The following POF1B variants were observed in gnomAD, a reference collection of about 807,000 sequenced individuals.
The protein encoded by POF1B is protein POF1B.
Under a neutral mutation model 55.3 loss-of-function variants are expected in POF1B, and 53 were observed. That is an observed-to-expected ratio of 0.96 (90% CI 0.77 to 1.20). The LOEUF is 1.20. Among genes scored for constraint, POF1B ranks in the 50% most tolerant of loss-of-function variants. The probability of loss-of-function intolerance (pLI) is 0.00; values close to 1 mark genes in which losing one functional copy is unlikely to be tolerated. For synonymous variants in POF1B, 188 were observed against 148.3 expected, an observed-to-expected ratio of 1.27 and a Z score of -1.95; for missense variants, 478 against 420.5, an observed-to-expected ratio of 1.14 and a Z score of -1.20.
At chrX:85,320,469 A>G (rs1932826013) in intron 7 of POF1B, among the ~76,000 whole-genome samples, 1 of 111,157 alleles carries the variant, frequency 9.0e-6, no homozygotes. Flanking sequence ...TATAGCACTA[A>G]ATGCCCACAA....
intron 3 of POF1B, among the ~76,000 whole-genome samples, chrX:85,360,550 T>C (rs914111722): frequency 7.0e-5 from 6 of 85,963 alleles, no homozygotes; most frequent in African/African-American, 3.9e-4. Flanking sequence ...TATATATATA[T>C]ATATATATAC....
chrX:85,279,453 T>TA, intron 16 of POF1B, 27 bp from the exon 17 acceptor site: 4 of 1,159,128 alleles, frequency 3.5e-6, no homozygotes, highest in Non-Finnish European at 4.7e-6. Context: ...AAGGTTATCT[T>TA]ACAACTGGTT....
At chrX:85,341,092 G>T (rs7052271) in intron 6 of POF1B, among the ~76,000 whole-genome samples, 5,120 of 110,604 alleles carry the variant, frequency 0.046, 267 homozygotes, top group African/African-American at 0.14. Flanking sequence ...GATGAGAGAT[G>T]AATAGAATTA....
Position 85,278,562 on chromosome X carries a change from G to T in POF1B, c.*859C>A, listed in dbSNP as rs899545941. The stretch of plus-strand genomic sequence containing the variant: ...AGTAGGATAAATCTATCAAGTATTT[G>T]TTGCTGCTATTTTTATTCCCTAAGT... On this transcript the variant is annotated 3_prime_UTR_variant, in exon 17 of 17. Transcript: ENST00000262753. 8.1e-5 allele frequency: 9 copies of T among 111,297 alleles called. No individual in the cohort carries two copies. The Admixed American group carries it at 8.6e-4, about 11-fold the overall frequency. 9.2% of individuals were successfully genotyped at this position (111,297 alleles called of 1,213,427 possible). A position where few individuals can be genotyped will look rare whatever the true frequency, so the allele number is the denominator to read the frequency against.
intron 5 of POF1B, among the ~76,000 whole-genome samples, chrX:85,348,664 G>A (rs772499217): frequency 1.2e-4 from 13 of 111,280 alleles, no homozygotes; most frequent in East Asian, 2.8e-4. Flanking sequence ...GGCAGCTTTC[G>A]TGGTGGTTCC....
At chrX:85,363,022 G>C (rs1226718875) in intron 3 of POF1B, among the ~76,000 whole-genome samples, 1 of 111,150 alleles carries the variant, frequency 9.0e-6, no homozygotes, top group Non-Finnish European at 1.9e-5. Flanking sequence ...AGGTTTTTCA[G>C]TTTGTATGCA....
At chrX:85,335,264 A>T (rs1933049067) in intron 6 of POF1B, among the ~76,000 whole-genome samples, 1 of 111,829 alleles carries the variant, frequency 8.9e-6, no homozygotes, top group Non-Finnish European at 1.9e-5. Context: ...ACTGGGTAGT[A>T]AGTTTTGAAC....
chrX:85,302,405 C>T (rs1356667477), intron 15 of POF1B, among the ~76,000 whole-genome samples: 3 of 111,359 alleles, frequency 2.7e-5, no homozygotes, highest in African/African-American at 9.8e-5. Context: ...TTTCCACCAC[C>T]TAGGATGGCC....
chrX:85,350,989 T>C (rs1933374070), intron 5 of POF1B, among the ~76,000 whole-genome samples: 1 of 111,803 alleles, frequency 8.9e-6, no homozygotes, highest in African/African-American at 3.2e-5. Context: ...CGTTCTATAT[T>C]AAAAGAATTA....
At position 85,345,060 on chromosome X, in the gene POF1B, T is replaced by C. The variant is rs977295613; in HGVS notation, c.723+800A>G. ...TTAATATAAAATAATCAAATTCTTATGTGGGCTGGCTCCTTCTTTATTTTT... is the reference window on the plus strand; with the variant it reads ...TTAATATAAAATAATCAAATTCTTACGTGGGCTGGCTCCTTCTTTATTTTT... On this transcript the variant is annotated intron_variant, in intron 6 of 16. Coordinates refer to ENST00000262753, the MANE Select transcript of POF1B (RefSeq NM_024921.4). Among the ~76,000 whole-genome samples, 4 of 111,826 alleles carry C rather than the reference T, an allele frequency of 3.6e-5. No individual in the cohort carries two copies. The Admixed American group carries it at 3.8e-4, about 11-fold the overall frequency.
chrX:85,355,138 C>T (rs772406038), intron 4 of POF1B, among the ~76,000 whole-genome samples: 1 of 111,247 alleles, frequency 9.0e-6, no homozygotes, highest in African/African-American at 3.3e-5. Context: ...GAACAGAGCC[C>T]TCAGAAATAA....
chrX:85,323,766 T>G (rs1932867081), intron 7 of POF1B, among the ~76,000 whole-genome samples: 1 of 110,866 alleles, frequency 9.0e-6, no homozygotes, highest in South Asian at 3.8e-4. Context: ...TCTGTGGGGT[T>G]AGTTTTCTCT....
At chrX:85,365,519 GT>G (rs1208414784) in intron 3 of POF1B, among the ~76,000 whole-genome samples, 2 of 111,955 alleles carry the variant, frequency 1.8e-5, no homozygotes, top group African/African-American at 6.5e-5. Context: ...GGCTATGTTA[GT>G]GAGGTATTGT....
intron 9 of POF1B, among the ~76,000 whole-genome samples, chrX:85,311,033 G>A (rs1234568812): frequency 9.0e-6 from 1 of 110,929 alleles, no homozygotes; most frequent in Non-Finnish European, 1.9e-5. Flanking sequence ...TTCAGATGAG[G>A]GAAAATGAAA....
Position 85,366,139 on chromosome X carries a change from A to G in POF1B, c.357+1553T>C, listed in dbSNP as rs1933718301. 2.7e-5 allele frequency among the ~76,000 whole-genome samples: 3 copies of G among 112,177 alleles called. No homozygotes were observed. The South Asian group carries it at 1.1e-3, about 41-fold the overall frequency. On this transcript the variant is annotated intron_variant, in intron 3 of 16. Coordinates refer to ENST00000262753, the MANE Select transcript of POF1B (RefSeq NM_024921.4). ...ACTAGGAATCAAACATAGCAGAAGA[A>G]TGCCATATTTTTACTGGAAAATTTG...
chrX:85,367,836 T>G (rs940849720), intron 2 of POF1B, 70 bp from the exon 3 acceptor site: 390 of 676,951 alleles, frequency 5.8e-4, no homozygotes, highest in Middle Eastern at 8.0e-4. Context: ...ATTTTTTCTT[T>G]ATTTTTATAA....
intron 6 of POF1B, among the ~76,000 whole-genome samples, chrX:85,338,565 T>A (rs1478777830): frequency 8.9e-6 from 1 of 111,947 alleles, no homozygotes; most frequent in Non-Finnish European, 1.9e-5. Context: ...AAATGTATGA[T>A]CTTTTCTTGT....
At chrX:85,364,485 C>G (rs1367673322) in intron 3 of POF1B, among the ~76,000 whole-genome samples, 2 of 111,633 alleles carry the variant, frequency 1.8e-5, no homozygotes, top group Non-Finnish European at 3.8e-5. Context: ...TGAAAATAAT[C>G]TTATTTCTCC....
At chrX:85,316,896 C>G (rs182757179) in intron 7 of POF1B, among the ~76,000 whole-genome samples, 192 of 110,369 alleles carry the variant, frequency 1.7e-3, no homozygotes, top group Non-Finnish European at 3.2e-3. Context: ...CTCAAGTAGG[C>G]CCCAGAGTCT....
Sources: gnomAD v4.1 joint callset for allele counts (sites outside exome capture counted in the v4.1 genomes callset) on GRCh38, gnomAD v4.1.1 for gene constraint, MANE v1.5 for transcripts, NCBI Gene and HGNC (gene_info 2026-07-23, HGNC 2026-07-21) for gene names.